TANGO6: variants seen among roughly 807,000 people sequenced by gnomAD.
The protein encoded by TANGO6 is transport and Golgi organization protein 6 homolog.
Under a neutral mutation model 114.2 loss-of-function variants are expected in TANGO6, and 90 were observed. That is an observed-to-expected ratio of 0.79 (90% CI 0.66 to 0.94). TANGO6 has a LOEUF of 0.94. Among genes scored for constraint, TANGO6 ranks in the 40% least tolerant of loss-of-function variants. TANGO6 has a pLI of 0.00. For synonymous variants in TANGO6, 477 were observed against 509.8 expected, an observed-to-expected ratio of 0.94 and a Z score of 0.87; for missense variants, 1,274 against 1,315.3, an observed-to-expected ratio of 0.97 and a Z score of 0.49.
At chr16:69,068,795 C>A (rs1024073783) in intron 17 of TANGO6, among the ~76,000 whole-genome samples, 3 of 152,180 alleles carry the variant, frequency 2.0e-5, no homozygotes, top group Non-Finnish European at 4.4e-5. Context: ...CTCACTGCAA[C>A]CTCCGCCTCC....
chr16:68,867,428 T>C, intron 4 of TANGO6: 1 of 542,856 alleles, frequency 1.8e-6, no homozygotes, highest in Non-Finnish European at 3.2e-6. Flanking sequence ...CTAAAACACT[T>C]GTGATACACT....
chr16:69,083,124 G>A (rs955664022), intron 17 of TANGO6, among the ~76,000 whole-genome samples: 5 of 123,190 alleles, frequency 4.1e-5, no homozygotes, highest in East Asian at 2.4e-4. Context: ...TTTCTGCACC[G>A]TCATGGCTCA....
chr16:68,851,490 A>G (rs6499203), intron 1 of TANGO6, among the ~76,000 whole-genome samples: 46,456 of 152,106 alleles, frequency 0.31, 8,233 homozygotes, highest in African/African-American at 0.51. Flanking sequence ...GTGTCTTAGC[A>G]ATCGGTACAT....
chr16:69,031,091 A>C (rs1333853505), intron 16 of TANGO6, among the ~76,000 whole-genome samples: 2 of 151,988 alleles, frequency 1.3e-5, no homozygotes, highest in African/African-American at 4.8e-5. Context: ...AAAATTTAAA[A>C]ATTTTTTTTA....
intron 1 of TANGO6, among the ~76,000 whole-genome samples, chr16:68,851,371 G>A (rs1365376701): frequency 6.6e-6 from 1 of 152,016 alleles, no homozygotes; most frequent in Non-Finnish European, 1.5e-5. Flanking sequence ...TGTTGGTCAG[G>A]CTGGCCTCGA....
intron 16 of TANGO6, among the ~76,000 whole-genome samples, chr16:69,031,113 A>G (rs1387020880): frequency 6.6e-6 from 1 of 152,028 alleles, no homozygotes; most frequent in Non-Finnish European, 1.5e-5. Flanking sequence ...AAAAACTGAG[A>G]TGAGGAGCTG....
intron 16 of TANGO6, among the ~76,000 whole-genome samples, chr16:69,039,904 T>C (rs1959747768): frequency 6.6e-6 from 1 of 152,228 alleles, no homozygotes; most frequent in Non-Finnish European, 1.5e-5. Flanking sequence ...TAAATCCCCA[T>C]GATCCTCAGT....
rs550239039 is a variant in TANGO6 at position 68,884,061 on chromosome 16, C to G, written c.1377+3431C>G. ...AGTAGCTGAAATTACAGGCACCCAC[C>G]ACCACGCCGAGCTAATTTTTGTATT... On this transcript the variant is annotated intron_variant, in intron 7 of 17. Coordinates refer to ENST00000261778, the MANE Select transcript of TANGO6 (RefSeq NM_024562.2). 5.9e-5 allele frequency among the ~76,000 whole-genome samples: 9 copies of G among 152,122 alleles called. No individual in the cohort carries two copies. In the South Asian group the frequency reaches 1.5e-3, roughly 25 times the overall value.
chr16:69,024,685 GA>G (rs1182931270), intron 16 of TANGO6, among the ~76,000 whole-genome samples: 2 of 152,238 alleles, frequency 1.3e-5, no homozygotes, highest in Admixed American at 1.3e-4. Context: ...ATGATAGACA[GA>G]AAAAGACTAG....
chr16:68,899,184 A>C (rs976675501), intron 7 of TANGO6, among the ~76,000 whole-genome samples: 2 of 152,058 alleles, frequency 1.3e-5, no homozygotes, highest in African/African-American at 4.8e-5. Context: ...TGAGATGGGA[A>C]TATCACTCGA....
chr16:68,885,848 T>A (rs180735562), intron 7 of TANGO6, among the ~76,000 whole-genome samples: 9 of 152,360 alleles, frequency 5.9e-5, no homozygotes, highest in Non-Finnish European at 1.2e-4. Context: ...GCTATAAACA[T>A]TGGTGTATGC....
intron 1 of TANGO6, among the ~76,000 whole-genome samples, chr16:68,856,651 G>C (rs1461706541): frequency 6.6e-6 from 1 of 152,050 alleles, no homozygotes; most frequent in Non-Finnish European, 1.5e-5. Context: ...TACTACATTT[G>C]TTACAACTGA....
intron 15 of TANGO6, among the ~76,000 whole-genome samples, chr16:68,984,515 A>T (rs1963873105): frequency 6.6e-6 from 1 of 151,178 alleles, no homozygotes; most frequent in Non-Finnish European, 1.5e-5. Flanking sequence ...TACTTATATT[A>T]GACAGTTTGG....
At chr16:69,053,480 A>T (rs887068544) in intron 17 of TANGO6, among the ~76,000 whole-genome samples, 34 of 152,298 alleles carry the variant, frequency 2.2e-4, no homozygotes, top group African/African-American at 8.2e-4. Context: ...CTGAAAGTTT[A>T]TAAATCTCAT....
At chr16:68,888,609 G>A (rs1597006379) in intron 7 of TANGO6, among the ~76,000 whole-genome samples, 1 of 152,022 alleles carries the variant, frequency 6.6e-6, no homozygotes, top group Non-Finnish European at 1.5e-5. Context: ...CCAGATTCAG[G>A]GAATTTTGCC....
chr16:69,071,776 T>G (rs1960298839), intron 17 of TANGO6, among the ~76,000 whole-genome samples: 1 of 152,208 alleles, frequency 6.6e-6, no homozygotes, highest in South Asian at 2.1e-4. Context: ...ATACAACCAC[T>G]CCGCAAATGT....
intron 11 of TANGO6, among the ~76,000 whole-genome samples, chr16:68,917,525 A>G (rs1299136687): frequency 7.9e-5 from 12 of 152,308 alleles, no homozygotes; most frequent in Non-Finnish European, 1.2e-4. Flanking sequence ...CCCAGCAGCA[A>G]TGAATGAATG....
intron 15 of TANGO6, among the ~76,000 whole-genome samples, chr16:69,002,841 G>A (rs1467667792): frequency 6.6e-6 from 1 of 151,708 alleles, no homozygotes; most frequent in African/African-American, 2.4e-5. Context: ...CAGAAGTTCG[G>A]GACCAGCCTG....
chr16:69,077,817 G>A (rs1376634778), intron 17 of TANGO6, among the ~76,000 whole-genome samples: 6 of 152,094 alleles, frequency 3.9e-5, no homozygotes, highest in South Asian at 2.1e-4. Flanking sequence ...GCAACAGAGC[G>A]AGACTCTTTC....
Sources: gnomAD v4.1 joint callset for allele counts (sites outside exome capture counted in the v4.1 genomes callset) on GRCh38, gnomAD v4.1.1 for gene constraint, MANE v1.5 for transcripts, NCBI Gene and HGNC (gene_info 2026-07-23, HGNC 2026-07-21) for gene names.